GSPT2: variants seen among roughly 807,000 people sequenced by gnomAD.
GSPT2 encodes eukaryotic peptide chain release factor GTP-binding subunit ERF3B.
A neutral mutation model predicts 24.6 loss-of-function variants in GSPT2; 2 were observed. The observed-to-expected ratio is 0.08, with a 90% confidence interval of 0.03 to 0.26. The LOEUF (loss-of-function observed/expected upper bound fraction) is 0.26. GSPT2 is among the 10% of genes least tolerant of loss of function. The pLI, the probability that GSPT2 is intolerant of heterozygous loss-of-function variation, is 1.00. For missense variants in GSPT2, 322 were observed against 489.6 expected (o/e 0.66, Z 3.23); for synonymous variants, 194 against 189.3 (o/e 1.02, Z -0.20).
Position 51,745,010 on chromosome X carries a change from G to T in GSPT2, c.1384G>T (p.Val462Leu). Residue 462 changes from valine to leucine, a missense_variant, in exon 1 of 1, where the codon GTG (valine) becomes TTG (leucine). Physicochemically the swap from Val to Leu is conservative, Grantham distance 32. Transcript: ENST00000340438. ...GTCCATTTTTAAAGGCCAGCAGCTC[G>T]TGATGATGCCAAACAAGCACAATGT... ...SGSIFKGQQL[V>L]MMPNKHNVEV... The T allele has an allele frequency of 8.3e-7, 1 of 1,208,364 alleles. No individual in the cohort carries two copies. The highest frequency in any genetic ancestry group is 1.1e-6 in the Non-Finnish European group (1 of 892,473).
At position 51,744,124 on chromosome X, in the gene GSPT2, G is replaced by C. The variant is rs1923952355; in HGVS notation, c.498G>C (p.Ser166=). The C allele has an allele frequency of 1.7e-6, 2 of 1,207,353 alleles. No homozygotes were observed. Among genetic ancestry groups the C allele is most frequent in the Non-Finnish European group, 2.2e-6 (2 of 893,902 alleles). ...AAGCCGAGCCTGGGGGTGGTTCCTC[G>C]GGAGATTCAGGGCCCCCAGAAGAAA... ...VSEAEPGGGS[S]GDSGPPEESG... The change falls in exon 1 of 1, where the codon TCG becomes TCC. Residue 166 remains serine, a synonymous_variant. Coordinates refer to ENST00000340438, the MANE Select transcript of GSPT2 (RefSeq NM_018094.5).
In GSPT2 at chrX:51,744,479, A is replaced by G. The variant is rs1340156162; in HGVS notation, c.853A>G (p.Ile285Val). The G allele has an allele frequency of 1.7e-6, 2 of 1,211,515 alleles. No individual in the cohort carries two copies. Among genetic ancestry groups the G allele is most frequent in the African/African-American group, 1.7e-5 (1 of 57,753 alleles). Residue 285 changes from isoleucine to valine, a missense_variant, in exon 1 of 1, where the codon ATT (isoleucine) becomes GTT (valine). By Grantham distance (29) the Ile-to-Val change is conservative (BLOSUM62 3). Transcript: ENST00000340438. ...TGAAACAGAAAGGAAACATTTCACA[A>G]TTTTAGATGCCCCTGGCCACAAGAG... is the stretch of plus-strand genomic sequence containing the variant. ...YFETERKHFT[I>V]LDAPGHKSFV...
rs782121147 is a variant in GSPT2 at position 51,743,789 on chromosome X, A to G, written c.163A>G (p.Asn55Asp). The G allele has an allele frequency of 1.7e-6, 2 of 1,210,131 alleles. No individual in the cohort carries two copies. Among genetic ancestry groups the G allele is most frequent in the Non-Finnish European group, 2.2e-6 (2 of 895,059 alleles). Residue 55 changes from asparagine (N) to aspartate (D), a missense_variant, in exon 1 of 1, where the codon AAC (asparagine) becomes GAC (aspartate). Around this residue, in one of 4 missense-constraint regions of GSPT2, gnomAD observed 125 missense variants for 121.3 expected, o/e 1.03. Coordinates refer to ENST00000340438, the MANE Select transcript of GSPT2 (RefSeq NM_018094.5). ...SSAFSRKLNV[N>D]AKPFVPNVHA... is the part of the protein sequence containing the mutation. ...GGCTTTCAGCCGTAAGCTCAACGTC[A>G]ACGCCAAGCCCTTCGTGCCTAACGT...
At position 51,743,865 on chromosome X, in the gene GSPT2, C is replaced by T. The variant is rs781784972; in HGVS notation, c.239C>T (p.Pro80Leu). 2 of 1,205,213 alleles carry T rather than the reference C, an allele frequency of 1.7e-6. No individual in the cohort carries two copies. Among genetic ancestry groups the T allele is most frequent in the Non-Finnish European group, 2.2e-6 (2 of 892,675 alleles). The change falls in exon 1 of 1, where the codon CCC (proline) becomes CTC (leucine). Residue 80 changes from proline to leucine, a missense_variant. Pro to Leu is a moderately conservative substitution (Grantham distance 98, BLOSUM62 -3). Around this residue, in one of 4 missense-constraint regions of GSPT2, gnomAD observed 125 missense variants for 121.3 expected, o/e 1.03. Transcript: ENST00000340438. Reference protein sequence around the residue: ...PSFLRGPTQPPTLPAGSGSND... With the variant: ...PSFLRGPTQPLTLPAGSGSND... ...TTCCTGCGGGGCCCGACTCAGCCGC[C>T]CACCCTCCCGGCCGGCTCCGGCAGC...
In GSPT2 at chrX:51,743,675, C is replaced by A; in HGVS notation, c.49C>A (p.Gln17Lys). The A allele has an allele frequency of 8.3e-7, 1 of 1,207,023 alleles. No homozygotes were observed. The highest frequency in any genetic ancestry group is 1.1e-6 in the Non-Finnish European group (1 of 892,868). ...CGACTCGGCGCCCGATTGCTGGGAC[C>A]AGGTGGACATGGAATCCCCGGGGTC... The part of the protein sequence containing the change: ...SSDSAPDCWD[Q>K]VDMESPGSAP... Residue 17 changes from glutamine (Q) to lysine (K), a missense_variant, in exon 1 of 1, where the codon CAG becomes AAG. Physicochemically the swap from Gln to Lys is moderately conservative, Grantham distance 53. Around this residue, in one of 4 missense-constraint regions of GSPT2, gnomAD observed 125 missense variants for 121.3 expected, o/e 1.03. Coordinates refer to ENST00000340438, the MANE Select transcript of GSPT2 (RefSeq NM_018094.5).
rs1557349086 is a variant in GSPT2 at position 51,745,923 on chromosome X, A to G, written c.*410A>G. ...AACTAACATGTGAATAAAATACTCC[A>G]TTTGAAACTCTTCGGTTATTTGAAA... On this transcript the variant is annotated 3_prime_UTR_variant, in exon 1 of 1. Coordinates refer to ENST00000340438, the MANE Select transcript of GSPT2 (RefSeq NM_018094.5). 1 of 135,815 alleles carries G rather than the reference A, an allele frequency of 7.4e-6. No homozygotes were observed. Among genetic ancestry groups the G allele is most frequent in the Non-Finnish European group, 1.6e-5 (1 of 61,699 alleles). 11.2% of individuals were successfully genotyped at this position (135,815 alleles called of 1,213,427 possible).
rs1557348884 is a variant in GSPT2, at chrX:51,744,346, A to G, written c.720A>G (p.Arg240=). Residue 240 remains arginine (R), a synonymous_variant, in exon 1 of 1, where the codon AGA becomes AGG. Coordinates refer to ENST00000340438, the MANE Select transcript of GSPT2 (RefSeq NM_018094.5). ...VDKRTLEKYE[R]EAKEKNRETW... is the part of the protein sequence containing the mutation. ...AAAGAACACTGGAGAAATATGAAAG[A>G]GAAGCTAAGGAAAAAAACAGAGAAA... 8.3e-7 allele frequency: 1 copy of G among 1,211,258 alleles called. No homozygotes were observed. The highest frequency in any genetic ancestry group is 1.8e-5 in the South Asian group (1 of 56,947).
chrX:51,743,707 G>A lies in GSPT2; in HGVS notation c.81G>A (p.Pro27=). Residue 27 remains proline (P), a synonymous_variant, in exon 1 of 1, where the codon CCG becomes CCA. Coordinates refer to ENST00000340438, the MANE Select transcript of GSPT2 (RefSeq NM_018094.5). ...ACATGGAATCCCCGGGGTCGGCCCC[G>A]AGCGGGGATGGAGTCTCCTCTGCGG... The part of the protein sequence containing the change: ...QVDMESPGSA[P]SGDGVSSAVA... The A allele has an allele frequency of 8.3e-7, 1 of 1,209,735 alleles. No individual in the cohort carries two copies. The highest frequency in any genetic ancestry group is 1.1e-6 in the Non-Finnish European group (1 of 894,133).
In GSPT2 at chrX:51,745,866, T is replaced by A. The variant is rs1602184157; in HGVS notation, c.*353T>A. ...CACCCTTGTTCCACGCAAACCAGAG[T>A]GTGTCAGTGTTTGTGTGTGTGTTAA... On this transcript the variant is annotated 3_prime_UTR_variant, in exon 1 of 1. Transcript: ENST00000340438. The A allele has an allele frequency of 5.7e-6, 1 of 175,041 alleles. No individual in the cohort carries two copies. The highest frequency in any genetic ancestry group is 1.2e-5 in the Non-Finnish European group (1 of 86,897). 14.4% of individuals were successfully genotyped at this position (175,041 alleles called of 1,213,427 possible).
At position 51,745,672 on chromosome X, in the gene GSPT2, A is replaced by C. The variant is rs1557349045; in HGVS notation, c.*159A>C. 3 of 455,459 alleles carry C rather than the reference A, an allele frequency of 6.6e-6. No homozygotes were observed. The highest frequency in any genetic ancestry group is 1.2e-5 in the Non-Finnish European group (3 of 258,417). The allele number at this position is 455,459 out of a possible 1,213,427, so 37.5% of individuals were successfully genotyped here. On this transcript the variant is annotated 3_prime_UTR_variant, in exon 1 of 1. Coordinates refer to ENST00000340438, the MANE Select transcript of GSPT2 (RefSeq NM_018094.5). ...ATGTTTTGTCAGCTTTCTCATGTTG[A>C]GATCTGTTATGTCACTGATGAATTT...
rs1923983263 is a variant in GSPT2, at chrX:51,745,873, G to T, written c.*360G>T. On this transcript the variant is annotated 3_prime_UTR_variant, in exon 1 of 1. Transcript: ENST00000340438. ...GTTCCACGCAAACCAGAGTGTGTCA[G>T]TGTTTGTGTGTGTGTTAAAATGATA... 6.2e-6 allele frequency: 1 copy of T among 162,082 alleles called. No individual in the cohort carries two copies. The highest frequency in any genetic ancestry group is 3.1e-5 in the African/African-American group (1 of 32,127). The allele number at this position is 162,082 out of a possible 1,213,427, so 13.4% of individuals were successfully genotyped here.
At position 51,745,144 on chromosome X, in the gene GSPT2, A is replaced by T. The variant is rs782655974; in HGVS notation, c.1518A>T (p.Gly506=). ...KGIEEEEILP[G]FILCDPSNLC... ...TTGAAGAAGAAGAGATTCTTCCAGG[A>T]TTCATACTTTGTGATCCTAGTAACC... The change falls in exon 1 of 1, where the codon GGA becomes GGT. Residue 506 remains glycine (G), a synonymous_variant. Transcript: ENST00000340438. 6 of 1,207,412 alleles carry T rather than the reference A, an allele frequency of 5.0e-6. No individual in the cohort carries two copies. Among genetic ancestry groups the T allele is most frequent in the Non-Finnish European group, 6.7e-6 (6 of 891,472 alleles).
Position 51,744,070 on chromosome X carries a change from A to G in GSPT2, c.444A>G (p.Glu148=). 1 of 1,209,585 alleles carries G rather than the reference A, an allele frequency of 8.3e-7. No individual in the cohort carries two copies. Among genetic ancestry groups the G allele is most frequent in the Non-Finnish European group, 1.1e-6 (1 of 894,011 alleles). ...ENGEVEMALE[E]SWEHSKEVSE... is the part of the protein sequence containing the mutation. The stretch of plus-strand genomic sequence containing the variant: ...GAGAGGTGGAAATGGCCCTAGAAGA[A>G]TCATGGGAGCACAGTAAAGAAGTAA... The change falls in exon 1 of 1, where the codon GAA becomes GAG. Residue 148 remains glutamate, a synonymous_variant. Coordinates refer to ENST00000340438, the MANE Select transcript of GSPT2 (RefSeq NM_018094.5).
At position 51,745,594 on chromosome X, in the gene GSPT2, A is replaced by G. The variant is rs982745973; in HGVS notation, c.*81A>G. On this transcript the variant is annotated 3_prime_UTR_variant, in exon 1 of 1. Transcript: ENST00000340438. ...CACCACCTACTCTTATTTACTGCCC[A>G]TTGATTGACTTTTCTTCATATTTTG... The G allele has an allele frequency of 1.2e-5, 7 of 599,479 alleles. No individual in the cohort carries two copies. Among genetic ancestry groups the G allele is most frequent in the Non-Finnish European group, 1.9e-5 (7 of 373,104 alleles). 49.4% of individuals were successfully genotyped at this position (599,479 alleles called of 1,213,427 possible).
chrX:51,743,491 G>A lies in GSPT2; in HGVS notation c.-136G>A, dbSNP rs1923932294. The A allele has an allele frequency of 1.0e-5, 5 of 490,205 alleles. No individual in the cohort carries two copies. Among genetic ancestry groups the A allele is most frequent in the Non-Finnish European group, 1.6e-5 (5 of 304,882 alleles). 40.4% of individuals were successfully genotyped at this position (490,205 alleles called of 1,213,427 possible). A position where few individuals can be genotyped will look rare whatever the true frequency, so the allele number is the denominator to read the frequency against. On this transcript the variant is annotated 5_prime_UTR_variant, in exon 1 of 1. Coordinates refer to ENST00000340438, the MANE Select transcript of GSPT2 (RefSeq NM_018094.5). ...GCGAATGCAGCATCGGCGCTTAGCT[G>A]CCTCCGCGGTGCAGCTAAGGTTCGT...
chrX:51,743,846 C>G lies in GSPT2; in HGVS notation c.220C>G (p.Arg74Gly), dbSNP rs782021989. Reference protein sequence around the residue: ...HAAEFVPSFLRGPTQPPTLPA... With the variant: ...HAAEFVPSFLGGPTQPPTLPA... ...CGCGGAGTTCGTGCCGTCCTTCCTG[C>G]GGGGCCCGACTCAGCCGCCCACCCT... Residue 74 changes from arginine (R) to glycine (G), a missense_variant, in exon 1 of 1, where the codon CGG (arginine) becomes GGG (glycine). This residue lies in a region of GSPT2 where 125 missense variants were observed against 121.3 expected (regional missense o/e 1.03). Coordinates refer to ENST00000340438, the MANE Select transcript of GSPT2 (RefSeq NM_018094.5). 4.1e-6 allele frequency: 5 copies of G among 1,208,202 alleles called. No homozygotes were observed. Among genetic ancestry groups the G allele is most frequent in the Admixed American group, 2.2e-5 (1 of 45,841 alleles).
chrX:51,744,547 G>A lies in GSPT2; in HGVS notation c.921G>A (p.Leu307=). The A allele has an allele frequency of 8.3e-7, 1 of 1,211,304 alleles. No individual in the cohort carries two copies. The highest frequency in any genetic ancestry group is 1.8e-5 in the South Asian group (1 of 56,978). ...TTGGTGGTGCTTCTCAAGCTGATTT[G>A]GCTGTGCTGGTCATCTCTGCCAGGA... ...NMIGGASQAD[L]AVLVISARKG... is the part of the protein sequence containing the mutation. Residue 307 remains leucine, a synonymous_variant, in exon 1 of 1, where the codon TTG becomes TTA. Coordinates refer to ENST00000340438, the MANE Select transcript of GSPT2 (RefSeq NM_018094.5).
chrX:51,745,588 CTGCCCAT>C lies in GSPT2; in HGVS notation c.*78_*84del. 1.6e-6 allele frequency: 1 copy of C among 626,903 alleles called. No individual in the cohort carries two copies. Among genetic ancestry groups the C allele is most frequent in the Non-Finnish European group, 2.5e-6 (1 of 394,247 alleles). The allele number at this position is 626,903 out of a possible 1,213,427, so 51.7% of individuals were successfully genotyped here. ...AAAGTTCACCACCTACTCTTATTTA[CTGCCCAT>C]TGATTGACTTTTCTTCATATTTTGC... is the stretch of plus-strand genomic sequence containing the variant. On this transcript the variant is annotated 3_prime_UTR_variant, in exon 1 of 1. Coordinates refer to ENST00000340438, the MANE Select transcript of GSPT2 (RefSeq NM_018094.5).
In GSPT2 at chrX:51,743,880, G is replaced by C; in HGVS notation, c.254G>C (p.Gly85Ala). The C allele has an allele frequency of 8.3e-7, 1 of 1,204,811 alleles. No homozygotes were observed. The change falls in exon 1 of 1, where the codon GGC becomes GCC. Residue 85 changes from glycine (G) to alanine (A), a missense_variant. Physicochemically the swap from Gly to Ala is moderately conservative, Grantham distance 60. This residue lies in a region of GSPT2 where 125 missense variants were observed against 121.3 expected (regional missense o/e 1.03). Transcript: ENST00000340438. ...ACTCAGCCGCCCACCCTCCCGGCCG[G>C]CTCCGGCAGCAACGATGAAACCTGC... ...GPTQPPTLPA[G>A]SGSNDETCTG...
Sources: gnomAD v4.1 joint callset for allele counts on GRCh38, gnomAD v4.1.1 for gene constraint, gnomAD v4.1.1 regional missense constraint, MANE v1.5 for transcripts, NCBI Gene and HGNC (gene_info 2026-07-23, HGNC 2026-07-21) for gene names.